The following DAB1 variants were observed in gnomAD, a reference collection of about 807,000 sequenced individuals.
The protein encoded by DAB1 is DAB adaptor protein 1, also known as disabled homolog 1.
DAB1 carries 15 observed loss-of-function variants against 64.6 expected under a neutral mutation model. That is an observed-to-expected ratio of 0.23 (90% CI 0.16 to 0.36). The LOEUF (loss-of-function observed/expected upper bound fraction) is 0.36. Ranked by LOEUF, DAB1 falls within the 10% of genes least tolerant of loss-of-function variation. The pLI, the probability that DAB1 is intolerant of heterozygous loss-of-function variation, is 1.00. For synonymous variants in DAB1, 235 were observed against 251.9 expected (o/e 0.93, Z 0.64); for missense variants, 596 against 706.7 (o/e 0.84, Z 1.78).
chr1:57,399,507 A>G (rs1391631864), intron 1 of DAB1, among the ~76,000 whole-genome samples: 3 of 152,210 alleles, frequency 2.0e-5, no homozygotes. Flanking sequence ...TATAATAAGT[A>G]TATGCTTTAG....
intron 7 of DAB1, among the ~76,000 whole-genome samples, chr1:57,625,841 T>G (rs1645916051): frequency 6.6e-6 from 1 of 152,086 alleles, no homozygotes; most frequent in African/African-American, 2.4e-5. Context: ...ACACCAGTTC[T>G]GGCTCAGTAC....
chr1:58,180,849 C>T (rs1367820721), intron 4 of DAB1, among the ~76,000 whole-genome samples: 3 of 152,158 alleles, frequency 2.0e-5, no homozygotes, highest in African/African-American at 7.2e-5. Flanking sequence ...GTCATAACTT[C>T]AATTATTTTC....
intron 1 of DAB1, among the ~76,000 whole-genome samples, chr1:57,375,706 C>T (rs1444592215): frequency 6.6e-6 from 1 of 152,172 alleles, no homozygotes; most frequent in African/African-American, 2.4e-5. Context: ...TGACCCTGCC[C>T]TAACTCTGGG....
chr1:57,382,141 G>A (rs1681434743), intron 1 of DAB1, among the ~76,000 whole-genome samples: 1 of 152,186 alleles, frequency 6.6e-6, no homozygotes, highest in Non-Finnish European at 1.5e-5. Context: ...ATCTGAGGAT[G>A]AACCAGTGAG....
intron 1 of DAB1, among the ~76,000 whole-genome samples, chr1:58,530,407 G>A (rs973743274): frequency 6.6e-6 from 1 of 152,160 alleles, no homozygotes; most frequent in Non-Finnish European, 1.5e-5. Flanking sequence ...TCATTTGAGA[G>A]ATGTAGTATT....
intron 7 of DAB1, among the ~76,000 whole-genome samples, chr1:57,466,744 T>G (rs2101194234): frequency 6.6e-6 from 1 of 152,268 alleles, no homozygotes; most frequent in Non-Finnish European, 1.5e-5. Flanking sequence ...ACAATTCAGT[T>G]CCATGCAGTT....
At chr1:58,382,588 C>G (rs926930588) in intron 3 of DAB1, among the ~76,000 whole-genome samples, 8 of 152,088 alleles carry the variant, frequency 5.3e-5, no homozygotes, top group Non-Finnish European at 1.0e-4. Flanking sequence ...GAATATTCCT[C>G]AAAATACTGT....
chr1:57,585,797 T>A (rs571610500), intron 7 of DAB1, among the ~76,000 whole-genome samples: 2 of 152,310 alleles, frequency 1.3e-5, no homozygotes, highest in South Asian at 4.1e-4. Flanking sequence ...GATTACTACA[T>A]GAACATATAA....
chr1:57,151,616 T>C (rs1299280536), intron 2 of DAB1, among the ~76,000 whole-genome samples: 2 of 152,088 alleles, frequency 1.3e-5, no homozygotes, highest in Admixed American at 6.5e-5. Context: ...TTTCTCAGAC[T>C]GGGGTCCTCA....
At chr1:57,621,536 T>C (rs1645859492) in intron 7 of DAB1, among the ~76,000 whole-genome samples, 1 of 151,928 alleles carries the variant, frequency 6.6e-6, no homozygotes, top group Admixed American at 6.6e-5. Flanking sequence ...ACTGAGGTTG[T>C]CCCTAAGAGG....
At chr1:57,838,217 C>CAA (rs140409162) in intron 1 of DAB1, among the ~76,000 whole-genome samples, 1 of 151,904 alleles carries the variant, frequency 6.6e-6, no homozygotes, top group African/African-American at 2.4e-5. Flanking sequence ...TGACGCTTTT[C>CAA]AAAAAACATG....
At chr1:58,459,988 A>C (rs1645227677) in intron 3 of DAB1, among the ~76,000 whole-genome samples, 1 of 152,200 alleles carries the variant, frequency 6.6e-6, no homozygotes. Flanking sequence ...AAAAAAGAAA[A>C]AGAAGAAAAT....
At position 58,229,031 on chromosome 1, in the gene DAB1, A is replaced by G. The variant is rs72910426; in HGVS notation, n.310-78443T>C. 2.4e-3 allele frequency: 823 copies of G among 340,116 alleles called. 9 individuals carry two copies. The highest frequency in any genetic ancestry group is 0.016 in the African/African-American group (760 of 47,034). The allele number at this position is 340,116 out of a possible 1,614,324, so 21.1% of individuals were successfully genotyped here. ...GGCAGATCACCCATGCAGTGGTGTG[A>G]TCATAACTCACTGCAACCTTGAACT... On this transcript the variant is annotated intron_variant and non_coding_transcript_variant, in intron 4 of 20. Transcript: ENST00000485760.
intron 6 of DAB1, among the ~76,000 whole-genome samples, chr1:57,809,053 G>T (rs1048653691): frequency 6.6e-6 from 1 of 152,130 alleles, no homozygotes. Flanking sequence ...AAACAGAGAA[G>T]CATTTAATAT....
chr1:57,323,381 C>G lies in DAB1; in HGVS notation c.-136-32215G>C, dbSNP rs149872111. ...TTATAGAGGGGAAGATTATTCCTGA[C>G]TCAGGAAGGAATGAAGAATAGCCTC... On this transcript the variant is annotated intron_variant, in intron 1 of 14. Coordinates refer to ENST00000371236, the MANE Select transcript of DAB1 (RefSeq NM_001365792.1). Among the ~76,000 whole-genome samples, 333 of 152,188 alleles carry G rather than the reference C, an allele frequency of 2.2e-3. 2 individuals carry two copies. Among genetic ancestry groups the G allele is most frequent in the African/African-American group, 7.6e-3 (314 of 41,526 alleles).
chr1:58,187,152 G>A (rs1657123299), intron 4 of DAB1, among the ~76,000 whole-genome samples: 1 of 152,058 alleles, frequency 6.6e-6, no homozygotes, highest in Admixed American at 6.6e-5. Flanking sequence ...GGTGATGAAA[G>A]ATTAATCCAC....
chr1:57,848,474 A>C (rs887801844), intron 1 of DAB1, among the ~76,000 whole-genome samples: 1 of 152,264 alleles, frequency 6.6e-6, no homozygotes, highest in Non-Finnish European at 1.5e-5. Flanking sequence ...ATGTAATATA[A>C]TACTTATCAG....
At chr1:57,586,436 C>A (rs943060984) in intron 7 of DAB1, among the ~76,000 whole-genome samples, 1 of 151,644 alleles carries the variant, frequency 6.6e-6, no homozygotes, top group Non-Finnish European at 1.5e-5. Flanking sequence ...ACACATTTGT[C>A]TTTTCTCTTT....
rs916910922 is a variant in DAB1 at position 57,500,269 on chromosome 1, A to G, written n.625+149323T>C. On this transcript the variant is annotated intron_variant and non_coding_transcript_variant, in intron 7 of 20. Coordinates refer to the DAB1 transcript ENST00000485760. ...GATCGTTTTAAAATTCTTCATTAGC[A>G]TCCACACTGAATAAATTTCAACGGC... Among the ~76,000 whole-genome samples, 5 of 152,264 alleles carry G rather than the reference A, an allele frequency of 3.3e-5. No homozygotes were observed. The East Asian group carries it at 9.6e-4, about 29-fold the overall frequency.
Sources: gnomAD v4.1 joint callset for allele counts (sites outside exome capture counted in the v4.1 genomes callset) on GRCh38, gnomAD v4.1.1 for gene constraint, MANE v1.5 for transcripts, NCBI Gene and HGNC (gene_info 2026-07-23, HGNC 2026-07-21) for gene names.